Variants in ARB2A observed in about 807,000 individuals in gnomAD.
ARB2A encodes the protein cotranscriptional regulator ARB2A.
the ARB2A span, chr5:93,805,129 T>C: frequency 1.0e-6 from 1 of 981,814 alleles, no homozygotes; most frequent in Admixed American, 6.2e-5. Flanking sequence ...TCAAATATGT[T>C]ATAATACAAA....
the ARB2A span, among the ~76,000 whole-genome samples, chr5:93,798,969 T>C: frequency 6.6e-6 from 1 of 152,140 alleles, no homozygotes; most frequent in African/African-American, 2.4e-5. Context: ...TGTTTTATTC[T>C]TTTTCTGATC....
At chr5:93,823,673 T>G in the ARB2A span, among the ~76,000 whole-genome samples, 1 of 152,168 alleles carries the variant, frequency 6.6e-6, no homozygotes, top group Admixed American at 6.6e-5. Flanking sequence ...GCAAAAAGCT[T>G]TCTGGTTAGC....
chr5:93,826,511 T>C, the ARB2A span, among the ~76,000 whole-genome samples: 5 of 152,296 alleles, frequency 3.3e-5, no homozygotes, highest in African/African-American at 1.2e-4. Context: ...TCCAACACTG[T>C]AGTAAGAACC....
At chr5:94,108,132 A>G in the ARB2A span, among the ~76,000 whole-genome samples, 2 of 152,120 alleles carry the variant, frequency 1.3e-5, no homozygotes, top group African/African-American at 2.4e-5. Context: ...TGCTCTTCTC[A>G]GCAAGAACCA....
chr5:93,770,824 A>C, the ARB2A span, among the ~76,000 whole-genome samples: 5 of 152,208 alleles, frequency 3.3e-5, no homozygotes, highest in Non-Finnish European at 7.3e-5. Flanking sequence ...AAATGGAAGA[A>C]CATTCCATGC....
chr5:93,764,165 A>G, the ARB2A span, among the ~76,000 whole-genome samples: 1 of 152,208 alleles, frequency 6.6e-6, no homozygotes, highest in East Asian at 1.9e-4. Context: ...AAACACATCC[A>G]AGAACTAACA....
the ARB2A span, among the ~76,000 whole-genome samples, chr5:93,952,549 T>C: frequency 6.6e-6 from 1 of 152,194 alleles, no homozygotes. Flanking sequence ...GTATTGGAGC[T>C]CCATCGTATA....
the ARB2A span, among the ~76,000 whole-genome samples, chr5:93,694,141 C>T: frequency 0.019 from 2,888 of 152,226 alleles, 100 homozygotes; most frequent in African/African-American, 0.066. Flanking sequence ...GACAAGGATG[C>T]CCTCTCTCAC....
chr5:94,026,550 A>G, the ARB2A span, among the ~76,000 whole-genome samples: 1 of 152,080 alleles, frequency 6.6e-6, no homozygotes, highest in Non-Finnish European at 1.5e-5. Context: ...TTGGTTTGTG[A>G]GTATGCAAAA....
chr5:93,682,945 A>G, the ARB2A span: 1 of 1,581,992 alleles, frequency 6.3e-7, no homozygotes, highest in Non-Finnish European at 8.6e-7. Context: ...TGGGAAGAGA[A>G]CCACCTTTTT....
the ARB2A span, among the ~76,000 whole-genome samples, chr5:94,089,471 G>C: frequency 6.6e-6 from 1 of 152,082 alleles, no homozygotes; most frequent in Non-Finnish European, 1.5e-5. Flanking sequence ...CCTGAAATCT[G>C]GATATCGATA....
the ARB2A span, among the ~76,000 whole-genome samples, chr5:93,795,849 A>C: frequency 1.6e-5 from 2 of 129,018 alleles, no homozygotes; most frequent in African/African-American, 5.5e-5. Flanking sequence ...ATTGAAAAGC[A>C]AAAAAAAAAA....
chr5:94,028,688 A>G, the ARB2A span, among the ~76,000 whole-genome samples: 2 of 152,186 alleles, frequency 1.3e-5, no homozygotes, highest in African/African-American at 2.4e-5. Flanking sequence ...CCACCTTTAC[A>G]CCAACCACTT....
the ARB2A span, among the ~76,000 whole-genome samples, chr5:93,704,875 T>C: frequency 6.6e-6 from 1 of 152,216 alleles, no homozygotes; most frequent in Admixed American, 6.5e-5. Flanking sequence ...TTGTATCTAA[T>C]CTACCAATTC....
the ARB2A span, chr5:93,740,462 G>C: frequency 1.7e-6 from 2 of 1,155,180 alleles, no homozygotes; most frequent in Non-Finnish European, 2.4e-6. Context: ...AACTTCTTTA[G>C]ACAGTGAATG....
the ARB2A span, among the ~76,000 whole-genome samples, chr5:93,822,680 G>C: frequency 1.3e-5 from 2 of 151,736 alleles, no homozygotes; most frequent in East Asian, 3.9e-4. Context: ...GGATTGAAAG[G>C]AATTATTTGA....
chr5:93,964,513 T>G, the ARB2A span: 1 of 1,579,316 alleles, frequency 6.3e-7, no homozygotes, highest in Non-Finnish European at 8.6e-7. Context: ...ATATACATAC[T>G]TCGTGATGAT....
the ARB2A span, among the ~76,000 whole-genome samples, chr5:93,659,237 C>T: frequency 6.6e-6 from 1 of 151,856 alleles, no homozygotes; most frequent in African/African-American, 2.4e-5. Flanking sequence ...TAAAAAAAAT[C>T]AGAATTTCAT....
the ARB2A span, among the ~76,000 whole-genome samples, chr5:93,946,289 T>A: frequency 6.6e-6 from 1 of 152,010 alleles, no homozygotes; most frequent in Non-Finnish European, 1.5e-5. Context: ...GCTTAGAAAG[T>A]GACCAGTCAA....
Sources: allele counts gnomAD v4.1 joint callset (sites outside exome capture counted in the v4.1 genomes callset), GRCh38; gene constraint gnomAD v4.1.1; transcripts MANE v1.5; gene names NCBI Gene and HGNC (gene_info 2026-07-23, HGNC 2026-07-21).